SFTPD: variants seen among roughly 807,000 people sequenced by gnomAD.
SFTPD encodes the protein pulmonary surfactant-associated protein D.
SFTPD carries 18 observed loss-of-function variants against 34.6 expected under a neutral mutation model. The ratio of observed to expected loss-of-function variants is 0.52; its 90% CI spans 0.36 to 0.77. The LOEUF is 0.77. Ranked by LOEUF, SFTPD falls within the 30% of genes least tolerant of loss-of-function variation. The pLI is 0.00. For synonymous variants in SFTPD, 155 were observed against 180.9 expected (o/e 0.86, Z 1.15); for missense variants, 433 against 468.9 (o/e 0.92, Z 0.71).
chr10:79,938,062 A>G lies in SFTPD; in HGVS notation c.918T>C (p.Ala306=), dbSNP rs1051246. ...ENAALQQLVV[A]KNEAAFLSMT... ...TGCTCAGGAAAGCAGCCTCGTTCTT[A>G]GCTACGACCAGCTGTTGCAAGGCGG... Residue 306 remains alanine (A), a synonymous_variant, in exon 8 of 8, where the codon GCT becomes GCC. Coordinates refer to ENST00000372292, the MANE Select transcript of SFTPD (RefSeq NM_003019.5). 0.14 allele frequency: 220,852 copies of G among 1,613,872 alleles called. 17,397 individuals carry two copies. The highest frequency in any genetic ancestry group is 0.29 in the Admixed American group (17,220 of 60,002).
intron 1 of SFTPD, among the ~76,000 whole-genome samples, chr10:79,954,586 C>T (rs1485522382): frequency 2.0e-5 from 3 of 152,058 alleles, no homozygotes; most frequent in African/African-American, 4.8e-5. Context: ...GGGCAGGTTG[C>T]CTTGGAGTTT....
rs146820866 is a variant in SFTPD at position 79,944,530 on chromosome 10, C to T, written c.200-1651G>A. On this transcript the variant is annotated intron_variant, in intron 2 of 7. Transcript: ENST00000372292. ...AAAGAGGGAGGAGGCTGAGCGTGAC[C>T]GGGGGCCAGAAAGAAGCTATGTGGT... Among the ~76,000 whole-genome samples the T allele has an allele frequency of 2.9e-3, 435 of 152,056 alleles. 4 individuals carry two copies. The highest frequency in any genetic ancestry group is 9.3e-3 in the African/African-American group (384 of 41,450).
rs534614295 is a variant in SFTPD, at chr10:79,949,105, T to C, written c.-43A>G. The C allele has an allele frequency of 6.6e-6, 1 of 152,182 alleles. No homozygotes were observed. 9.4% of individuals were successfully genotyped at this position (152,182 alleles called of 1,614,324 possible). On this transcript the variant is annotated 5_prime_UTR_variant, in exon 1 of 8. Coordinates refer to ENST00000372292, the MANE Select transcript of SFTPD (RefSeq NM_003019.5). Reference sequence around the variant, plus strand: ...TAGGCCCCAGGAGCTCCAAGCAAACTAGCCTTTGCTTGGCAGGCACTCACT... The same window carrying C: ...TAGGCCCCAGGAGCTCCAAGCAAACCAGCCTTTGCTTGGCAGGCACTCACT...
At chr10:79,975,979 G>T (rs560090571) in intron 1 of SFTPD, among the ~76,000 whole-genome samples, 2 of 152,198 alleles carry the variant, frequency 1.3e-5, no homozygotes, top group Non-Finnish European at 2.9e-5. Context: ...ACCTTCCAGC[G>T]TGGGTGTTAT....
intron 1 of SFTPD, among the ~76,000 whole-genome samples, chr10:79,965,614 G>T (rs1589341642): frequency 1.0e-5 from 1 of 100,110 alleles, no homozygotes; most frequent in Admixed American, 1.0e-4. Context: ...TAAGTTTTAG[G>T]GTACATGTGC....
chr10:79,940,228 A>G (rs943478755), intron 7 of SFTPD, among the ~76,000 whole-genome samples: 1 of 152,216 alleles, frequency 6.6e-6, no homozygotes, highest in African/African-American at 2.4e-5. Flanking sequence ...CTCTGAGCTA[A>G]GAAATGCAGC....
At chr10:79,979,609 C>A (rs1435797513) in intron 1 of SFTPD, among the ~76,000 whole-genome samples, 3 of 152,216 alleles carry the variant, frequency 2.0e-5, no homozygotes, top group Non-Finnish European at 4.4e-5. Flanking sequence ...TTTAGACCAG[C>A]CCTAGCCAAA....
rs35688441 is a variant in SFTPD, at chr10:79,962,302, TAAA to T, written c.37-15643_37-15641del. Reference sequence around the variant, plus strand: ...CTAAAACTTAAAGTATAATAATAATTAAAAAAAATCACCAAAACTCCACCTTTC... The same window carrying T: ...CTAAAACTTAAAGTATAATAATAATTAAAAATCACCAAAACTCCACCTTTC... On this transcript the variant is annotated intron_variant, in intron 1 of 5. Coordinates refer to the SFTPD transcript ENST00000444384. Among the ~76,000 whole-genome samples, 5 of 151,586 alleles carry T rather than the reference TAAA, an allele frequency of 3.3e-5. No homozygotes were observed. In the East Asian group the frequency reaches 9.7e-4, roughly 29 times the overall value.
At chr10:79,953,502 C>T (rs116773696), upstream of SFTPD, among the ~76,000 whole-genome samples, 339 of 151,212 alleles carry the variant, frequency 2.2e-3, 1 homozygote, top group African/African-American at 7.7e-3. Flanking sequence ...TGAGAAATCT[C>T]GTGATAGTCT....
At chr10:79,943,616 TG>T (rs912613494) in intron 2 of SFTPD, among the ~76,000 whole-genome samples, 1 of 152,088 alleles carries the variant, frequency 6.6e-6, no homozygotes, top group African/African-American at 2.4e-5. Context: ...CAGGCCTCCA[TG>T]GGGGGTGAGC....
chr10:79,982,237 A>G, intron 1 of SFTPD: 1 of 790,970 alleles, frequency 1.3e-6, no homozygotes, highest in Non-Finnish European at 1.7e-6. Context: ...GCAACGGAGG[A>G]GCCAATGGGA....
At chr10:79,942,291 G>T (rs2132495032) in intron 4 of SFTPD, 97 bp downstream of exon 4, 2 of 853,848 alleles carry the variant, frequency 2.3e-6, no homozygotes, top group East Asian at 4.9e-5. Flanking sequence ...CAAGGGTCTG[G>T]GCTCTCCCTG....
At chr10:79,962,880 A>G (rs952794354) in intron 1 of SFTPD, among the ~76,000 whole-genome samples, 1 of 152,166 alleles carries the variant, frequency 6.6e-6, no homozygotes, top group Admixed American at 6.5e-5. Flanking sequence ...AAACCTTTTC[A>G]ATGATATTTC....
intron 5 of SFTPD, 84 bp downstream of exon 5, chr10:79,941,870 G>A (rs1842615359): frequency 1.2e-6 from 1 of 852,596 alleles, no homozygotes; most frequent in African/African-American, 1.7e-5. Context: ...CTTTGTGGGT[G>A]GTGGAGGGGG....
chr10:79,961,637 G>C (rs1191673880), intron 1 of SFTPD, among the ~76,000 whole-genome samples: 2 of 152,124 alleles, frequency 1.3e-5, no homozygotes, highest in East Asian at 3.9e-4. Flanking sequence ...TAAAAAGTCA[G>C]GAAACAACAG....
At position 79,941,406 on chromosome 10, in the gene SFTPD, C is replaced by G; in HGVS notation, c.659G>C (p.Gly220Ala). The G allele has an allele frequency of 2.5e-6, 4 of 1,613,974 alleles. No individual in the cohort carries two copies. The highest frequency in any genetic ancestry group is 3.4e-6 in the Non-Finnish European group (4 of 1,179,894). ...PGDKGAKGES[G>A]LPDVASLRQQ... Reference sequence around the variant, plus strand: ...AGGAGCTGCTACCTTACCTGGAAGCCCACTTTCTCCCTTTGCTCCTTTGTC... The same window carrying G: ...AGGAGCTGCTACCTTACCTGGAAGCGCACTTTCTCCCTTTGCTCCTTTGTC... Residue 220 changes from glycine (G) to alanine (A), a missense_variant, in exon 6 of 8, where the codon GGG becomes GCG. Transcript: ENST00000372292.
intron 1 of SFTPD, among the ~76,000 whole-genome samples, chr10:79,979,476 T>C (rs1842879655): frequency 6.6e-6 from 1 of 152,176 alleles, no homozygotes; most frequent in African/African-American, 2.4e-5. Flanking sequence ...CATCAAGTGG[T>C]ATGAGAGAGA....
At chr10:79,962,716 A>AGG (rs1382106678) in intron 1 of SFTPD, among the ~76,000 whole-genome samples, 1 of 152,000 alleles carries the variant, frequency 6.6e-6, no homozygotes, top group Non-Finnish European at 1.5e-5. Context: ...GTGTTGGGAG[A>AGG]GTTTCCATTT....
intron 1 of SFTPD, among the ~76,000 whole-genome samples, chr10:79,954,458 C>A (rs1842728142): frequency 6.6e-6 from 1 of 152,306 alleles, no homozygotes; most frequent in African/African-American, 2.4e-5. Context: ...CACATTTGAG[C>A]AGGCCTATTG....
Sources: gnomAD v4.1 joint callset for allele counts (sites outside exome capture counted in the v4.1 genomes callset) on GRCh38, gnomAD v4.1.1 for gene constraint, MANE v1.5 for transcripts, NCBI Gene and HGNC (gene_info 2026-07-23, HGNC 2026-07-21) for gene names.